The following LDLRAD3 variants were observed in gnomAD, a reference collection of about 807,000 sequenced individuals.
LDLRAD3 encodes the protein low-density lipoprotein receptor class A domain-containing protein 3.
In LDLRAD3, 20 loss-of-function variants were observed where a neutral mutation model predicts 29.4. That is an observed-to-expected ratio of 0.68 (90% confidence interval 0.48 to 0.99). LDLRAD3 has a LOEUF of 0.99. LDLRAD3 is among the 50% of genes least tolerant of loss of function. The pLI is 0.00. For missense variants in LDLRAD3, 420 were observed against 454.3 expected, an observed-to-expected ratio of 0.92 and a Z score of 0.69; for synonymous variants, 157 against 192.7, an observed-to-expected ratio of 0.81 and a Z score of 1.53.
chr11:36,227,046 TAA>T, intron 4 of LDLRAD3, 37 bp from the exon 5 acceptor site: 1 of 1,462,506 alleles, frequency 6.8e-7, no homozygotes, highest in Non-Finnish European at 9.3e-7. Flanking sequence ...GCCAAACTGG[TAA>T]CCTTCTCTCT....
At chr11:36,156,759 G>A (rs562229948) in intron 4 of LDLRAD3, among the ~76,000 whole-genome samples, 47 of 152,270 alleles carry the variant, frequency 3.1e-4, no homozygotes, top group East Asian at 3.9e-4. Flanking sequence ...ATCATCTTCA[G>A]CATGATATGG....
At chr11:35,959,021 G>A (rs576102097) in intron 1 of LDLRAD3, among the ~76,000 whole-genome samples, 2 of 152,286 alleles carry the variant, frequency 1.3e-5, no homozygotes, top group South Asian at 2.1e-4. Context: ...CTTGCCACAC[G>A]GGTGAACTGA....
At chr11:35,949,487 C>T (rs940724115) in intron 1 of LDLRAD3, among the ~76,000 whole-genome samples, 2 of 152,174 alleles carry the variant, frequency 1.3e-5, no homozygotes, top group African/African-American at 4.8e-5. Flanking sequence ...CTCCCCTTTC[C>T]CTCCCCATAA....
intron 2 of LDLRAD3, among the ~76,000 whole-genome samples, chr11:36,043,923 C>T (rs769124341): frequency 1.2e-4 from 19 of 152,192 alleles, no homozygotes; most frequent in African/African-American, 4.6e-4. Context: ...ACAGCGCTTA[C>T]GGTGTGCGGG....
At chr11:36,183,999 T>A (rs1377297193) in intron 4 of LDLRAD3, 1 of 297,860 alleles carries the variant, frequency 3.4e-6, no homozygotes, top group East Asian at 1.4e-4. Flanking sequence ...GGAGTTTCGC[T>A]CTTGTTGCCC....
chr11:36,026,450 C>A (rs1243699324), intron 1 of LDLRAD3, among the ~76,000 whole-genome samples: 1 of 152,144 alleles, frequency 6.6e-6, no homozygotes, highest in African/African-American at 2.4e-5. Flanking sequence ...GTCAAAGTGT[C>A]AGAGGCATTT....
intron 4 of LDLRAD3, among the ~76,000 whole-genome samples, chr11:36,167,954 A>G (rs957251806): frequency 1.3e-5 from 2 of 152,188 alleles, no homozygotes; most frequent in African/African-American, 4.8e-5. Flanking sequence ...ATAGAAGAGA[A>G]GTTCAGAGTC....
At chr11:36,171,568 T>C (rs976664125) in intron 4 of LDLRAD3, among the ~76,000 whole-genome samples, 6 of 151,896 alleles carry the variant, frequency 4.0e-5, no homozygotes, top group Admixed American at 6.6e-5. Flanking sequence ...TTCCCCACTT[T>C]ATGTTGTTGT....
chr11:36,129,266 C>CT (rs140815683), intron 4 of LDLRAD3, among the ~76,000 whole-genome samples: 3,400 of 152,272 alleles, frequency 0.022, 122 homozygotes, highest in African/African-American at 0.078. Flanking sequence ...AAAACAAAAA[C>CT]AAAACCCAAA....
At chr11:36,001,500 A>G (rs1851824431) in intron 1 of LDLRAD3, among the ~76,000 whole-genome samples, 1 of 152,212 alleles carries the variant, frequency 6.6e-6, no homozygotes. Context: ...TTATAAAAAA[A>G]TCTTTTAATC....
chr11:36,095,954 C>A (rs573995980), intron 3 of LDLRAD3, among the ~76,000 whole-genome samples: 6 of 151,570 alleles, frequency 4.0e-5, no homozygotes, highest in African/African-American at 1.5e-4. Flanking sequence ...AAAAACCAGA[C>A]GTGATTTGTG....
intron 4 of LDLRAD3, among the ~76,000 whole-genome samples, chr11:36,161,660 C>T (rs980995700): frequency 2.6e-5 from 4 of 152,178 alleles, no homozygotes; most frequent in African/African-American, 9.7e-5. Context: ...ATTCCTCTTA[C>T]AGAAGAGCGG....
At chr11:36,161,905 C>T (rs889036298) in intron 4 of LDLRAD3, among the ~76,000 whole-genome samples, 3 of 152,168 alleles carry the variant, frequency 2.0e-5, no homozygotes, top group Non-Finnish European at 2.9e-5. Flanking sequence ...AATTCAGTTA[C>T]GATGAGGCTC....
chr11:35,972,252 C>T (rs960447885), intron 1 of LDLRAD3, among the ~76,000 whole-genome samples: 9 of 151,996 alleles, frequency 5.9e-5, no homozygotes, highest in Non-Finnish European at 1.3e-4. Flanking sequence ...ATCACCAGAC[C>T]ACTGTGCTGA....
At chr11:36,139,871 GGC>G (rs1854055794) in intron 4 of LDLRAD3, among the ~76,000 whole-genome samples, 1 of 152,190 alleles carries the variant, frequency 6.6e-6, no homozygotes, top group African/African-American at 2.4e-5. Context: ...TGGAAGGCTT[GGC>G]AGCAGGAATC....
chr11:36,111,510 T>A (rs1853604907), intron 4 of LDLRAD3, among the ~76,000 whole-genome samples: 1 of 151,940 alleles, frequency 6.6e-6, no homozygotes, highest in African/African-American at 2.4e-5. Flanking sequence ...TCTTGTCACA[T>A]CCCCCAAGTA....
chr11:36,162,757 A>G lies in LDLRAD3; in HGVS notation c.454+64296A>G, dbSNP rs531651359. ...GCTTGGCTAATGGTGGGCCCAGTGA[A>G]TGCTTGATTTGCAATGGAAATGCCC... On this transcript the variant is annotated intron_variant, in intron 4 of 5. Transcript: ENST00000315571. 1.2e-4 allele frequency among the ~76,000 whole-genome samples: 18 copies of G among 152,300 alleles called. 1 individual carries two copies. In the South Asian group the frequency reaches 3.7e-3, roughly 32 times the overall value.
At chr11:36,185,199 C>T (rs1340929546) in intron 4 of LDLRAD3, among the ~76,000 whole-genome samples, 1 of 152,048 alleles carries the variant, frequency 6.6e-6, no homozygotes, top group South Asian at 2.1e-4. Flanking sequence ...TGTCCTCTGG[C>T]CTGTAGTTGG....
chr11:35,981,665 TCTC>T (rs1484605551), intron 1 of LDLRAD3, among the ~76,000 whole-genome samples: 7 of 152,180 alleles, frequency 4.6e-5, no homozygotes, highest in Non-Finnish European at 8.8e-5. Context: ...AGTAGGGCCT[TCTC>T]CTTGCCTGCA....
Sources: gnomAD v4.1 joint callset for allele counts (sites outside exome capture counted in the v4.1 genomes callset) on GRCh38, gnomAD v4.1.1 for gene constraint, MANE v1.5 for transcripts, NCBI Gene and HGNC (gene_info 2026-07-23, HGNC 2026-07-21) for gene names.